Variants in SEPTIN11 observed in about 807,000 individuals in gnomAD.
SEPTIN11 encodes the protein septin 11.
In SEPTIN11, 25 loss-of-function variants were observed where a neutral mutation model predicts 51.4. The ratio of observed to expected loss-of-function variants is 0.49; its 90% CI spans 0.35 to 0.68. SEPTIN11 has a LOEUF of 0.68. Among genes scored for constraint, SEPTIN11 ranks in the 30% least tolerant of loss-of-function variants. The pLI is 0.00. For synonymous variants in SEPTIN11, 174 were observed against 184.1 expected, an observed-to-expected ratio of 0.95 and a Z score of 0.44; for missense variants, 381 against 520.8, an observed-to-expected ratio of 0.73 and a Z score of 2.61.
At chr4:76,956,400 C>T (rs995644311) in intron 1 of SEPTIN11, among the ~76,000 whole-genome samples, 6 of 152,144 alleles carry the variant, frequency 3.9e-5, no homozygotes, top group Non-Finnish European at 7.4e-5. Context: ...GCTTTTAGAC[C>T]AACATGCATA....
At chr4:76,989,536 T>G (rs929390638) in intron 1 of SEPTIN11, among the ~76,000 whole-genome samples, 1 of 152,196 alleles carries the variant, frequency 6.6e-6, no homozygotes, top group Non-Finnish European at 1.5e-5. Context: ...AAAAGGGATA[T>G]CACTTCAGTT....
At chr4:76,996,730 C>A (rs1023209660) in intron 2 of SEPTIN11, among the ~76,000 whole-genome samples, 191 bp downstream of exon 2, 1 of 152,070 alleles carries the variant, frequency 6.6e-6, no homozygotes, top group African/African-American at 2.4e-5. Flanking sequence ...TAGGTAAATG[C>A]GTTGTATGTT....
chr4:77,011,957 T>C (rs1271622299), intron 4 of SEPTIN11, 36 bp downstream of exon 4: 1 of 1,572,218 alleles, frequency 6.4e-7, no homozygotes. Flanking sequence ...TCCACTCTCC[T>C]TTTAGATCTT....
At chr4:77,020,810 G>A (rs1315342567) in intron 7 of SEPTIN11, 140 bp downstream of exon 7, 3 of 739,690 alleles carry the variant, frequency 4.1e-6, no homozygotes, top group African/African-American at 1.8e-5. Flanking sequence ...ATGTTGTCAG[G>A]CATTGTGATA....
intron 4 of SEPTIN11, among the ~76,000 whole-genome samples, chr4:77,014,360 T>C (rs75243649): frequency 0.024 from 3,640 of 152,290 alleles, 79 homozygotes; most frequent in Admixed American, 0.038. Flanking sequence ...ACAAAAACTT[T>C]GCTGTTATAC....
At chr4:76,951,403 G>C (rs771746772) in intron 1 of SEPTIN11, among the ~76,000 whole-genome samples, 12 of 152,064 alleles carry the variant, frequency 7.9e-5, no homozygotes, top group Middle Eastern at 6.3e-3. Context: ...CACATAAATT[G>C]TGCTCTTGAT....
At position 77,026,711 on chromosome 4, in the gene SEPTIN11, A is replaced by G. The variant is rs115068438; in HGVS notation, c.954-1918A>G. 7.7e-3 allele frequency among the ~76,000 whole-genome samples: 1,171 copies of G among 152,300 alleles called. 10 individuals are homozygous for G. Among genetic ancestry groups the G allele is most frequent in the African/African-American group, 0.027 (1,108 of 41,562 alleles). The stretch of plus-strand genomic sequence containing the variant: ...CCATTGTTTGTTAGAAAGAAGAGGG[A>G]GATATATTCATTATTCTAAAATCAA... On this transcript the variant is annotated intron_variant, in intron 7 of 9. Transcript: ENST00000264893.
intron 3 of SEPTIN11, among the ~76,000 whole-genome samples, chr4:77,006,206 G>C (rs1366267453): frequency 6.6e-6 from 1 of 152,086 alleles, no homozygotes; most frequent in Non-Finnish European, 1.5e-5. Context: ...GGACACTAGA[G>C]GGGAGGTCTC....
Position 77,036,556 on chromosome 4 carries a change from T to C in SEPTIN11, c.*2044T>C. 7.1e-7 allele frequency: 1 copy of C among 1,408,156 alleles called. No homozygotes were observed. The allele number at this position is 1,408,156 out of a possible 1,614,324, so 87.2% of individuals were successfully genotyped here. A position where few individuals can be genotyped will look rare whatever the true frequency, so the allele number is the denominator to read the frequency against. On this transcript the variant is annotated 3_prime_UTR_variant, in exon 10 of 10. Coordinates refer to ENST00000264893, the MANE Select transcript of SEPTIN11 (RefSeq NM_018243.4). The stretch of plus-strand genomic sequence containing the variant: ...AGCTGACTTTTTGATTCCAAGATTA[T>C]TGATTGGATTGACTTTTTTGCATTA...
rs529122060 is a variant in SEPTIN11, at chr4:77,020,618, A to G, written c.901A>G (p.Lys301Glu). The G allele has an allele frequency of 1.9e-6, 3 of 1,614,100 alleles. No homozygotes were observed. In the South Asian group the frequency reaches 3.3e-5, roughly 18 times the overall value. Residue 301 changes from lysine (K) to glutamate (E), a missense_variant, in exon 7 of 10, where the codon AAG (lysine) becomes GAG (glutamate). Around this residue, in one of 2 missense-constraint regions of SEPTIN11, gnomAD observed 197 missense variants for 313.1 expected, o/e 0.63. Transcript: ENST00000264893. ...CCACTATGAATTGTACCGACGCTGT[A>G]AGCTTGAAGAGATGGGGTTCAAGGA... ...TRHYELYRRC[K>E]LEEMGFKDTD...
Position 77,014,893 on chromosome 4 carries a change from T to C in SEPTIN11, c.563T>C (p.Ile188Thr), listed in dbSNP as rs200669230. 34 of 1,614,026 alleles carry C rather than the reference T, an allele frequency of 2.1e-5. No individual in the cohort carries two copies. Among genetic ancestry groups the C allele is most frequent in the Non-Finnish European group, 2.9e-5 (34 of 1,179,994 alleles). ...CCAATAATTGCAAAAGCTGACACCATTGCCAAGAATGAACTGCACAAATTC... is the reference window on the plus strand; with the variant it reads ...CCAATAATTGCAAAAGCTGACACCACTGCCAAGAATGAACTGCACAAATTC... ...IIPIIAKADT[I>T]AKNELHKFKS... Residue 188 changes from isoleucine (I) to threonine (T), a missense_variant, in exon 5 of 10, where the codon ATT (isoleucine) becomes ACT (threonine). Transcript: ENST00000264893.
intron 1 of SEPTIN11, among the ~76,000 whole-genome samples, chr4:76,950,262 G>A (rs1056437529): frequency 6.6e-6 from 1 of 152,072 alleles, no homozygotes; most frequent in African/African-American, 2.4e-5. Context: ...CTCTTCCCTC[G>A]TGACAGCCAG....
chr4:76,959,508 T>C (rs754902659), intron 1 of SEPTIN11, among the ~76,000 whole-genome samples: 25 of 152,082 alleles, frequency 1.6e-4, no homozygotes, highest in South Asian at 4.1e-4. Flanking sequence ...ATGGAACTCA[T>C]AATCTCTCAG....
chr4:76,989,043 C>T (rs1723201160), intron 1 of SEPTIN11, among the ~76,000 whole-genome samples: 1 of 152,186 alleles, frequency 6.6e-6, no homozygotes, highest in Non-Finnish European at 1.5e-5. Context: ...TTATGCATCT[C>T]TAACATCCAG....
rs141668028 is a variant in SEPTIN11, at chr4:77,025,452, G to A, written c.954-3177G>A. Among the ~76,000 whole-genome samples the A allele has an allele frequency of 2.8e-3, 427 of 152,108 alleles. 2 individuals carry two copies. Among genetic ancestry groups the A allele is most frequent in the African/African-American group, 9.8e-3 (406 of 41,476 alleles). On this transcript the variant is annotated intron_variant, in intron 7 of 9. Transcript: ENST00000264893. ...CCCAACTACTCGAAAAGCTGAAGTG[G>A]GAAGATCGCTTGAGCCCAGGAGTTC...
chr4:76,980,072 G>T (rs975018925), intron 1 of SEPTIN11, among the ~76,000 whole-genome samples: 1 of 152,130 alleles, frequency 6.6e-6, no homozygotes, highest in Non-Finnish European at 1.5e-5. Context: ...TAGGGAAATG[G>T]CAGACCCCTC....
intron 4 of SEPTIN11, among the ~76,000 whole-genome samples, chr4:77,013,888 C>A (rs763947055): frequency 1.3e-5 from 2 of 152,112 alleles, no homozygotes; most frequent in Non-Finnish European, 2.9e-5. Flanking sequence ...TTCTATATAT[C>A]GGATGTCAGT....
chr4:76,966,562 T>G (rs945834291), intron 1 of SEPTIN11, among the ~76,000 whole-genome samples: 1 of 151,880 alleles, frequency 6.6e-6, no homozygotes, highest in Non-Finnish European at 1.5e-5. Flanking sequence ...TGAAAAAAAT[T>G]AAAAATTTAT....
intron 6 of SEPTIN11, 87 bp from the exon 7 acceptor site, chr4:77,020,415 G>A (rs1391951043): frequency 6.7e-6 from 10 of 1,484,034 alleles, no homozygotes; most frequent in Non-Finnish European, 9.2e-6. Context: ...CAGGAGTGAT[G>A]GTAATAACAT....
Sources: gnomAD v4.1 joint callset for allele counts (sites outside exome capture counted in the v4.1 genomes callset) on GRCh38, gnomAD v4.1.1 for gene constraint, gnomAD v4.1.1 regional missense constraint, MANE v1.5 for transcripts, NCBI Gene and HGNC (gene_info 2026-07-23, HGNC 2026-07-21) for gene names.